The following CACNA2D3 variants were observed in gnomAD, a reference collection of about 807,000 sequenced individuals.
CACNA2D3 encodes voltage-dependent calcium channel subunit alpha-2/delta-3.
CACNA2D3 carries 60 observed loss-of-function variants against 160.6 expected under a neutral mutation model. That is an observed-to-expected ratio of 0.37 (90% CI 0.30 to 0.46). The LOEUF is 0.46. Ranked by LOEUF, CACNA2D3 falls within the 20% of genes least tolerant of loss-of-function variation. CACNA2D3 has a pLI of 1.00. For synonymous variants in CACNA2D3, 558 were observed against 492.9 expected (o/e 1.13, Z -1.75); for missense variants, 1,205 against 1,365.0 (o/e 0.88, Z 1.85).
chr3:54,885,127 T>A (rs1699891492), intron 21 of CACNA2D3, among the ~76,000 whole-genome samples, 154 bp from the exon 22 acceptor site: 1 of 152,048 alleles, frequency 6.6e-6, no homozygotes, highest in Admixed American at 6.5e-5. Flanking sequence ...TCGTTTATTT[T>A]CCTCAGAAAA....
intron 27 of CACNA2D3, among the ~76,000 whole-genome samples, chr3:54,931,799 A>G (rs1289644118): frequency 6.6e-6 from 1 of 152,244 alleles, no homozygotes; most frequent in East Asian, 1.9e-4. Context: ...ATGAAAAATC[A>G]ATGATTATTA....
At chr3:54,999,207 C>G (rs893866104) in intron 31 of CACNA2D3, among the ~76,000 whole-genome samples, 1 of 152,140 alleles carries the variant, frequency 6.6e-6, no homozygotes, top group East Asian at 1.9e-4. Flanking sequence ...ATGACTGATA[C>G]GAGCAGGAGA....
intron 12 of CACNA2D3, 81 bp downstream of exon 12, chr3:54,752,758 A>T (rs1174686321): frequency 1.0e-6 from 1 of 964,056 alleles, no homozygotes; most frequent in Non-Finnish European, 1.6e-6. Context: ...GAAAGTAGAG[A>T]GTTCTAATAA....
At chr3:54,351,707 C>T (rs1022331715) in intron 3 of CACNA2D3, among the ~76,000 whole-genome samples, 5 of 152,208 alleles carry the variant, frequency 3.3e-5, no homozygotes, top group African/African-American at 1.2e-4. Flanking sequence ...GAACCTCTGC[C>T]CTAGCCTCTC....
At position 54,672,809 on chromosome 3, in the gene CACNA2D3, G is replaced by A. The variant is rs571443084; in HGVS notation, c.1167+30568G>A. The stretch of plus-strand genomic sequence containing the variant: ...CACTCTCTCCTAGAGTGGTCGCAAG[G>A]ATTAAAGGAGATAGTGCCTGTAAGC... On this transcript the variant is annotated intron_variant, in intron 11 of 37. Transcript: ENST00000474759. Among the ~76,000 whole-genome samples, 13 of 152,298 alleles carry A rather than the reference G, an allele frequency of 8.5e-5. No individual in the cohort carries two copies. In the South Asian group the frequency reaches 2.5e-3, roughly 29 times the overall value.
chr3:54,367,681 T>C, intron 3 of CACNA2D3: 1 of 208,700 alleles, frequency 4.8e-6, no homozygotes, highest in Non-Finnish European at 1.0e-5. Context: ...TCATCCCAGA[T>C]TTTTGGTAGT....
intron 12 of CACNA2D3, among the ~76,000 whole-genome samples, chr3:54,761,238 G>A (rs1702074727): frequency 1.3e-5 from 2 of 152,060 alleles, no homozygotes; most frequent in Non-Finnish European, 2.9e-5. Flanking sequence ...TCCTGTCTGG[G>A]CCCAAGAGCA....
At chr3:54,954,221 C>T (rs111776244) in intron 27 of CACNA2D3, among the ~76,000 whole-genome samples, 14 of 152,302 alleles carry the variant, frequency 9.2e-5, no homozygotes, top group Non-Finnish European at 7.3e-5. Flanking sequence ...GCTATGGCCT[C>T]CTCATTCCAA....
At chr3:54,702,386 G>A (rs971892501) in intron 11 of CACNA2D3, among the ~76,000 whole-genome samples, 1 of 151,620 alleles carries the variant, frequency 6.6e-6, no homozygotes, top group Non-Finnish European at 1.5e-5. Context: ...GAATCTATAA[G>A]GAACTTAAAC....
At position 54,588,551 on chromosome 3, in the gene CACNA2D3, CAAAG is replaced by C. The variant is rs564353836; in HGVS notation, c.963+6677_963+6680del. 2.0e-3 allele frequency among the ~76,000 whole-genome samples: 307 copies of C among 151,882 alleles called. 1 individual carries two copies. The highest frequency in any genetic ancestry group is 3.4e-3 in the Middle Eastern group (1 of 294). On this transcript the variant is annotated intron_variant, in intron 9 of 37. Coordinates refer to ENST00000474759, the MANE Select transcript of CACNA2D3 (RefSeq NM_018398.3). ...ACATGATTGTGTACATAGAAAATCT[CAAAG>C]AATCTACACACAAAAAAATTTCCTA...
At chr3:54,669,959 G>A (rs2106896148) in intron 11 of CACNA2D3, among the ~76,000 whole-genome samples, 1 of 152,070 alleles carries the variant, frequency 6.6e-6, no homozygotes, top group Non-Finnish European at 1.5e-5. Flanking sequence ...TGGTGACTGG[G>A]GCTCTTCTGA....
intron 5 of CACNA2D3, among the ~76,000 whole-genome samples, chr3:54,558,155 T>C (rs539402722): frequency 1.3e-5 from 2 of 152,312 alleles, no homozygotes; most frequent in East Asian, 1.9e-4. Flanking sequence ...ATGTTGCTCA[T>C]TGTTTCCTCT....
At chr3:54,820,319 T>G (rs1703561886) in intron 14 of CACNA2D3, among the ~76,000 whole-genome samples, 2 of 152,254 alleles carry the variant, frequency 1.3e-5, no homozygotes, top group African/African-American at 4.8e-5. Context: ...GTCCCTCTTA[T>G]GTGTAGCAGC....
chr3:54,451,666 T>C (rs948267191), intron 4 of CACNA2D3, among the ~76,000 whole-genome samples: 1 of 152,162 alleles, frequency 6.6e-6, no homozygotes, highest in African/African-American at 2.4e-5. Flanking sequence ...CTGAAAAATT[T>C]CAAAATCACG....
chr3:54,268,657 G>A (rs575852063), intron 2 of CACNA2D3, among the ~76,000 whole-genome samples: 27 of 152,056 alleles, frequency 1.8e-4, no homozygotes, highest in African/African-American at 4.6e-4. Context: ...TGTTCTACCC[G>A]CTTGGCCTCC....
intron 8 of CACNA2D3, among the ~76,000 whole-genome samples, chr3:54,571,658 T>G (rs1278428884): frequency 2.3e-5 from 3 of 133,112 alleles, no homozygotes; most frequent in African/African-American, 8.4e-5. Context: ...TGTGTGTGTG[T>G]GGTGGACACT....
At chr3:54,267,168 A>C (rs1352629285) in intron 2 of CACNA2D3, among the ~76,000 whole-genome samples, 1 of 152,208 alleles carries the variant, frequency 6.6e-6, no homozygotes, top group African/African-American at 2.4e-5. Flanking sequence ...AAATAATAGA[A>C]GTTTGAGAAA....
At chr3:54,463,598 C>T (rs141617757) in intron 4 of CACNA2D3, among the ~76,000 whole-genome samples, 2,960 of 151,968 alleles carry the variant, frequency 0.019, 76 homozygotes, top group East Asian at 0.11. Context: ...CTTCACAGTT[C>T]TCGAGCCTTG....
chr3:54,626,288 T>C, intron 9 of CACNA2D3: 2 of 1,496,632 alleles, frequency 1.3e-6, no homozygotes, highest in Non-Finnish European at 1.8e-6. Context: ...GACCAGCTGC[T>C]GGACATGTCC....
Sources: gnomAD v4.1 joint callset for allele counts (sites outside exome capture counted in the v4.1 genomes callset) on GRCh38, gnomAD v4.1.1 for gene constraint, MANE v1.5 for transcripts, NCBI Gene and HGNC (gene_info 2026-07-23, HGNC 2026-07-21) for gene names.